CNTNAP2: variants seen among roughly 807,000 people sequenced by gnomAD.
The protein encoded by CNTNAP2 is contactin-associated protein-like 2.
Under a neutral mutation model 155.2 loss-of-function variants are expected in CNTNAP2, and 98 were observed. The ratio of observed to expected loss-of-function variants is 0.63; its 90% CI spans 0.54 to 0.75. The LOEUF (loss-of-function observed/expected upper bound fraction) is 0.75. Ranked by LOEUF, CNTNAP2 falls within the 30% of genes least tolerant of loss-of-function variation. The pLI, the probability that CNTNAP2 is intolerant of heterozygous loss-of-function variation, is 0.00. For missense variants in CNTNAP2, 1,727 were observed against 1,688.1 expected (o/e 1.02, Z -0.40); for synonymous variants, 651 against 631.2 (o/e 1.03, Z -0.47).
chr7:148,158,371 C>T lies in CNTNAP2; in HGVS notation c.2773+10662C>T, dbSNP rs543965177. 3.9e-5 allele frequency among the ~76,000 whole-genome samples: 6 copies of T among 152,084 alleles called. No individual in the cohort carries two copies. In the South Asian group the frequency reaches 1.2e-3, roughly 32 times the overall value. ...CCAGGTAGCTGGGACTACAGGCACA[C>T]GTCACCACACCCAGCTAATTTTTGT... On this transcript the variant is annotated intron_variant, in intron 17 of 23. Coordinates refer to ENST00000361727, the MANE Select transcript of CNTNAP2 (RefSeq NM_014141.6).
intron 2 of CNTNAP2, among the ~76,000 whole-genome samples, chr7:146,825,052 A>G (rs771033488): frequency 6.6e-6 from 1 of 151,974 alleles, no homozygotes; most frequent in Non-Finnish European, 1.5e-5. Flanking sequence ...AAGCAACTAT[A>G]TTTACAAGGC....
At position 148,416,234 on chromosome 7, in the gene CNTNAP2, TGAAGG is replaced by T. The variant is rs1799985640; in HGVS notation, c.*619_*623del. On this transcript the variant is annotated 3_prime_UTR_variant, in exon 24 of 24. Transcript: ENST00000361727. ...GGGGTTCCTGACTGATACCAGCAGT[TGAAGG>T]AAGAGAGTGCATGGCACCTGGTGTG... The T allele has an allele frequency of 6.5e-6, 1 of 153,698 alleles. No individual in the cohort carries two copies. The highest frequency in any genetic ancestry group is 2.4e-5 in the African/African-American group (1 of 41,392). The allele number at this position is 153,698 out of a possible 1,614,324, so 9.5% of individuals were successfully genotyped here.
At chr7:147,802,283 C>T in intron 13 of CNTNAP2, among the ~76,000 whole-genome samples, 1 of 150,180 alleles carries the variant, frequency 6.7e-6, no homozygotes, top group East Asian at 2.0e-4. Flanking sequence ...ACGCTCCTCA[C>T]TTTCCAGACT....
chr7:147,294,047 TA>T lies in CNTNAP2; in HGVS notation c.1349-6093del, dbSNP rs1209182690. Among the ~76,000 whole-genome samples the T allele has an allele frequency of 3.3e-5, 5 of 152,176 alleles. No homozygotes were observed. In the East Asian group the frequency reaches 9.6e-4, roughly 29 times the overall value. On this transcript the variant is annotated intron_variant, in intron 8 of 23. Transcript: ENST00000361727. Reference sequence around the variant, plus strand: ...CATTACGAATTATAACAATGGTACATACCACACTGTATGTGGTACAGAATTA... The same window carrying T: ...CATTACGAATTATAACAATGGTACATCCACACTGTATGTGGTACAGAATTA...
chr7:146,640,645 G>T (rs915441386), intron 1 of CNTNAP2, among the ~76,000 whole-genome samples: 1 of 152,120 alleles, frequency 6.6e-6, no homozygotes, highest in Non-Finnish European at 1.5e-5. Flanking sequence ...TTTGGCGAAG[G>T]TTATCCGTAG....
rs551745347 is a variant in CNTNAP2 at position 146,761,674 on chromosome 7, T to A, written c.98-12597T>A. On this transcript the variant is annotated intron_variant, in intron 1 of 23. Transcript: ENST00000361727. ...GTTCTTATCATACCATCTTTTTTTT[T>A]AAATATTAAAACTGTCCTTACCCCT... is the stretch of plus-strand genomic sequence containing the variant. 5.3e-5 allele frequency among the ~76,000 whole-genome samples: 8 copies of A among 152,248 alleles called. No individual in the cohort carries two copies. In the East Asian group the frequency reaches 7.7e-4, roughly 15 times the overall value.
chr7:147,153,710 CCTTGAAAACGCTGACTTTCACT>C (rs1801870131), intron 8 of CNTNAP2, among the ~76,000 whole-genome samples: 2 of 152,264 alleles, frequency 1.3e-5, no homozygotes, highest in South Asian at 4.1e-4. Flanking sequence ...CAAAAGTCCA[CCTTGAAAACGCTGACTTTCACT>C]CTTCATGAAA....
At chr7:146,350,794 G>A (rs1021430882) in intron 1 of CNTNAP2, among the ~76,000 whole-genome samples, 4 of 151,872 alleles carry the variant, frequency 2.6e-5, no homozygotes, top group Non-Finnish European at 5.9e-5. Flanking sequence ...GTCCAACAAC[G>A]ATAGACTGGA....
chr7:147,486,061 A>C lies in CNTNAP2; in HGVS notation c.1777+20A>C. 135 of 1,591,682 alleles carry C rather than the reference A, an allele frequency of 8.5e-5. No individual in the cohort carries two copies. Among genetic ancestry groups the C allele is most frequent in the Non-Finnish European group, 1.0e-4 (121 of 1,159,670 alleles). On this transcript the variant is annotated intron_variant, in intron 11 of 23. Coordinates refer to ENST00000361727, the MANE Select transcript of CNTNAP2 (RefSeq NM_014141.6). ...ACAACTGTGAGTGCCAATTTATCTC[A>C]CTTTAATCTTGTAATTGCATGAGAA...
At chr7:148,336,926 T>C (rs541154001) in intron 21 of CNTNAP2, among the ~76,000 whole-genome samples, 15 of 152,256 alleles carry the variant, frequency 9.9e-5, no homozygotes, top group African/African-American at 3.6e-4. Flanking sequence ...GATGGGTAGG[T>C]TACTTCACTT....
intron 10 of CNTNAP2, among the ~76,000 whole-genome samples, chr7:147,415,798 C>T (rs1180078651): frequency 2.6e-5 from 4 of 152,036 alleles, no homozygotes; most frequent in African/African-American, 4.8e-5. Context: ...GCCGTTAAAC[C>T]GGGCCTTTTT....
At chr7:146,465,612 C>A (rs1024534511) in intron 1 of CNTNAP2, among the ~76,000 whole-genome samples, 1 of 152,260 alleles carries the variant, frequency 6.6e-6, no homozygotes. Flanking sequence ...AGAATCACTT[C>A]CCTTTACACA....
chr7:148,032,050 G>T (rs1318353214), intron 15 of CNTNAP2, among the ~76,000 whole-genome samples: 1 of 152,266 alleles, frequency 6.6e-6, no homozygotes, highest in African/African-American at 2.4e-5. Context: ...CTGCAGCCGC[G>T]CGGTGCCCTA....
At chr7:146,457,481 AATAT>A (rs200909725) in intron 1 of CNTNAP2, among the ~76,000 whole-genome samples, 51 of 87,176 alleles carry the variant, frequency 5.9e-4, no homozygotes, top group African/African-American at 1.4e-3. Context: ...TTCAAAAATG[AATAT>A]ATATATATAT....
intron 13 of CNTNAP2, among the ~76,000 whole-genome samples, chr7:147,666,943 C>T (rs145058205): frequency 0.016 from 2,505 of 152,250 alleles, 223 homozygotes; most frequent in Admixed American, 0.15. Flanking sequence ...AACAACAGTT[C>T]AGGAAGAGCC....
At chr7:147,098,439 ATTG>A (rs1398522455) in intron 4 of CNTNAP2, among the ~76,000 whole-genome samples, 1 of 152,046 alleles carries the variant, frequency 6.6e-6, no homozygotes, top group Non-Finnish European at 1.5e-5. Flanking sequence ...AAGTTCCTGT[ATTG>A]TTTTTTGTTT....
At chr7:148,387,883 A>G (rs1799252646) in intron 22 of CNTNAP2, among the ~76,000 whole-genome samples, 1 of 151,680 alleles carries the variant, frequency 6.6e-6, no homozygotes, top group South Asian at 2.1e-4. Flanking sequence ...TGGTTGCAGT[A>G]AAGAAGCCAG....
At chr7:147,836,805 G>A (rs145517232) in intron 13 of CNTNAP2, among the ~76,000 whole-genome samples, 333 of 152,302 alleles carry the variant, frequency 2.2e-3, no homozygotes, top group African/African-American at 7.7e-3. Context: ...GCTCTTGTCT[G>A]TTATTCAAAC....
At chr7:146,912,139 C>A (rs1585153575) in intron 3 of CNTNAP2, among the ~76,000 whole-genome samples, 1 of 150,046 alleles carries the variant, frequency 6.7e-6, no homozygotes, top group East Asian at 1.9e-4. Flanking sequence ...TATGTATTAG[C>A]TTTTATGAGA....
Sources: allele counts gnomAD v4.1 joint callset (sites outside exome capture counted in the v4.1 genomes callset), GRCh38; gene constraint gnomAD v4.1.1; transcripts MANE v1.5; gene names NCBI Gene and HGNC (gene_info 2026-07-23, HGNC 2026-07-21).